Variants in CNTNAP2 observed in about 807,000 individuals in gnomAD.
CNTNAP2 encodes the protein contactin associated protein 2.
In CNTNAP2, 98 loss-of-function variants were observed where a neutral mutation model predicts 155.2. The ratio of observed to expected loss-of-function variants is 0.63; its 90% CI spans 0.54 to 0.75. The LOEUF (loss-of-function observed/expected upper bound fraction) is 0.75. Among genes scored for constraint, CNTNAP2 ranks in the 30% least tolerant of loss-of-function variants. The pLI, the probability that CNTNAP2 is intolerant of heterozygous loss-of-function variation, is 0.00. For missense variants in CNTNAP2, 1,727 were observed against 1,688.1 expected (o/e 1.02, Z -0.40); for synonymous variants, 651 against 631.2 (o/e 1.03, Z -0.47).
intron 3 of CNTNAP2, among the ~76,000 whole-genome samples, chr7:146,952,672 T>C (rs571975285): frequency 6.6e-6 from 1 of 152,186 alleles, no homozygotes; most frequent in East Asian, 1.9e-4. Context: ...TGAACTCCCA[T>C]TCACAATTGC....
chr7:146,269,888 A>C (rs957127253), intron 1 of CNTNAP2, among the ~76,000 whole-genome samples: 2 of 152,184 alleles, frequency 1.3e-5, no homozygotes, highest in African/African-American at 4.8e-5. Context: ...TTTCTTAGGG[A>C]AGTCAAGTCC....
intron 9 of CNTNAP2, among the ~76,000 whole-genome samples, chr7:147,325,950 T>A (rs1478396549): frequency 6.6e-6 from 1 of 151,944 alleles, no homozygotes; most frequent in Non-Finnish European, 1.5e-5. Context: ...TGAGACAGAG[T>A]CTTGCTCTGT....
chr7:147,138,614 A>T (rs1404642798), intron 8 of CNTNAP2, among the ~76,000 whole-genome samples: 1 of 151,948 alleles, frequency 6.6e-6, no homozygotes, highest in Non-Finnish European at 1.5e-5. Context: ...ATTTTTCATC[A>T]ATAGAAGCAT....
rs958684403 is a variant in CNTNAP2 at position 148,419,355 on chromosome 7, A to G, written c.*3739A>G. 1 of 152,232 alleles carries G rather than the reference A, an allele frequency of 6.6e-6. No homozygotes were observed. Among genetic ancestry groups the G allele is most frequent in the African/African-American group, 2.4e-5 (1 of 41,438 alleles). The allele number at this position is 152,232 out of a possible 1,614,324, so 9.4% of individuals were successfully genotyped here. A position where few individuals can be genotyped will look rare whatever the true frequency, so the allele number is the denominator to read the frequency against. ...CCACCTGATCCTAAACCAGTGCGAAACAAACAGTAACAATGTCCCCAGCTG... is the reference window on the plus strand; with the variant it reads ...CCACCTGATCCTAAACCAGTGCGAAGCAAACAGTAACAATGTCCCCAGCTG... On this transcript the variant is annotated 3_prime_UTR_variant, in exon 24 of 24. Coordinates refer to ENST00000361727, the MANE Select transcript of CNTNAP2 (RefSeq NM_014141.6).
intron 10 of CNTNAP2, among the ~76,000 whole-genome samples, chr7:147,434,023 C>A (rs1459162241): frequency 6.6e-6 from 1 of 152,074 alleles, no homozygotes; most frequent in Non-Finnish European, 1.5e-5. Flanking sequence ...CTAAAATAAT[C>A]CAAGCTTAAT....
intron 14 of CNTNAP2, among the ~76,000 whole-genome samples, chr7:147,938,952 C>A (rs1457269497): frequency 1.3e-5 from 2 of 152,156 alleles, no homozygotes; most frequent in Non-Finnish European, 2.9e-5. Context: ...TGAATCTCAA[C>A]TTTTATTCAC....
rs548373255 is a variant in CNTNAP2 at position 146,560,389 on chromosome 7, A to G, written c.98-213882A>G. Among the ~76,000 whole-genome samples, 6 of 152,150 alleles carry G rather than the reference A, an allele frequency of 3.9e-5. No homozygotes were observed. In the South Asian group the frequency reaches 1.0e-3, roughly 26 times the overall value. The stretch of plus-strand genomic sequence containing the variant: ...TATATACATATATATGTGTGTATAT[A>G]TGTATGTGTATATGTGTGTGTATAC... On this transcript the variant is annotated intron_variant, in intron 1 of 23. Coordinates refer to ENST00000361727, the MANE Select transcript of CNTNAP2 (RefSeq NM_014141.6).
intron 8 of CNTNAP2, among the ~76,000 whole-genome samples, chr7:147,182,656 A>G (rs1802486862): frequency 6.6e-6 from 1 of 152,084 alleles, no homozygotes; most frequent in Non-Finnish European, 1.5e-5. Context: ...ATAGAACAGA[A>G]TTAGGAAGTT....
In CNTNAP2 at chr7:146,392,562, A is replaced by T. The variant is rs1447643076; in HGVS notation, c.97+275589A>T. Among the ~76,000 whole-genome samples, 7 of 152,232 alleles carry T rather than the reference A, an allele frequency of 4.6e-5. No individual in the cohort carries two copies. In the East Asian group the frequency reaches 1.3e-3, roughly 29 times the overall value. On this transcript the variant is annotated intron_variant, in intron 1 of 23. Coordinates refer to ENST00000361727, the MANE Select transcript of CNTNAP2 (RefSeq NM_014141.6). ...GGAAATTTCAGATGTTGGAGAAAAT[A>T]TTCGGAATTTATGTGACACTGGATA...
At chr7:147,346,121 A>C (rs1216950058) in intron 9 of CNTNAP2, among the ~76,000 whole-genome samples, 5 of 149,194 alleles carry the variant, frequency 3.4e-5, no homozygotes, top group African/African-American at 1.2e-4. Context: ...GTGTCCCATA[A>C]TCGAAGATTT....
chr7:147,999,764 A>G lies in CNTNAP2; in HGVS notation c.2383+21775A>G, dbSNP rs560450916. Reference sequence around the variant, plus strand: ...ACACACTCTCACACACGGGGAGAACACTATGAAAAAATGGAGGTAGAAGTT... The same window carrying G: ...ACACACTCTCACACACGGGGAGAACGCTATGAAAAAATGGAGGTAGAAGTT... On this transcript the variant is annotated intron_variant, in intron 15 of 23. Coordinates refer to ENST00000361727, the MANE Select transcript of CNTNAP2 (RefSeq NM_014141.6). Among the ~76,000 whole-genome samples the G allele has an allele frequency of 2.6e-5, 4 of 152,278 alleles. No individual in the cohort carries two copies. In the South Asian group the frequency reaches 8.3e-4, roughly 32 times the overall value.
intron 3 of CNTNAP2, among the ~76,000 whole-genome samples, chr7:146,901,870 C>CTTTTTTTTTTTTTTT (rs71165048): frequency 1.1e-5 from 1 of 88,222 alleles, no homozygotes; most frequent in Admixed American, 1.3e-4. Context: ...ATATATGCTC[C>CTTTTTTTTTTTTTTT]TTTTTTTTTT....
chr7:147,629,478 A>G (rs999954709), intron 12 of CNTNAP2, among the ~76,000 whole-genome samples: 1 of 151,096 alleles, frequency 6.6e-6, no homozygotes, highest in African/African-American at 2.4e-5. Flanking sequence ...GAACAAATGG[A>G]TTTAACAGAT....
At chr7:146,521,655 C>G (rs182203485) in intron 1 of CNTNAP2, among the ~76,000 whole-genome samples, 1 of 151,924 alleles carries the variant, frequency 6.6e-6, no homozygotes, top group African/African-American at 2.4e-5. Context: ...AACTATCAGA[C>G]CTTTTTGAAG....
chr7:146,861,706 C>A (rs972696778), intron 3 of CNTNAP2, among the ~76,000 whole-genome samples: 4 of 152,150 alleles, frequency 2.6e-5, no homozygotes, highest in African/African-American at 9.7e-5. Flanking sequence ...CAGTATCCTA[C>A]AGGCCTGATT....
At chr7:146,792,029 C>T (rs1022010534) in intron 2 of CNTNAP2, among the ~76,000 whole-genome samples, 18 of 152,080 alleles carry the variant, frequency 1.2e-4, no homozygotes, top group Admixed American at 3.3e-4. Context: ...TACTCAACTG[C>T]GGGAATAACA....
chr7:146,584,899 A>G (rs560475390), intron 1 of CNTNAP2, among the ~76,000 whole-genome samples: 3 of 152,266 alleles, frequency 2.0e-5, no homozygotes, highest in East Asian at 3.9e-4. Context: ...ATACTCAAAA[A>G]TATTAGAGTT....
chr7:147,383,125 C>T (rs1796565711), intron 9 of CNTNAP2, among the ~76,000 whole-genome samples: 1 of 152,020 alleles, frequency 6.6e-6, no homozygotes, highest in Admixed American at 6.6e-5. Flanking sequence ...ATCTTCACTT[C>T]CTTTAGGTCT....
intron 1 of CNTNAP2, among the ~76,000 whole-genome samples, chr7:146,695,841 T>C (rs1340078584): frequency 1.3e-5 from 2 of 152,196 alleles, no homozygotes; most frequent in African/African-American, 4.8e-5. Flanking sequence ...TTACCTCACA[T>C]GGTTATTTAT....
Sources: gnomAD v4.1 joint callset for allele counts (sites outside exome capture counted in the v4.1 genomes callset) on GRCh38, gnomAD v4.1.1 for gene constraint, MANE v1.5 for transcripts, NCBI Gene and HGNC (gene_info 2026-07-23, HGNC 2026-07-21) for gene names.